The following TMEM175 variants were observed in gnomAD, a reference collection of about 807,000 sequenced individuals.
TMEM175 encodes transmembrane protein 175, also known as endosomal/lysosomal proton channel TMEM175.
In TMEM175, 36 loss-of-function variants were observed where a neutral mutation model predicts 36.5. That is an observed-to-expected ratio of 0.99 (90% CI 0.76 to 1.30). TMEM175 has a LOEUF of 1.30. Ranked by LOEUF, TMEM175 falls within the 50% of genes most tolerant of loss-of-function variation. TMEM175 has a pLI of 0.00. For missense variants in TMEM175, 705 were observed against 692.8 expected (o/e 1.02, Z -0.20); for synonymous variants, 339 against 313.4 (o/e 1.08, Z -0.86).
rs755992237 is a variant in TMEM175, at chr4:958,306, G to A, written c.1325G>A (p.Arg442Lys). ...TTCGCCTCCACCTGCCTGCTGAGCA[G>A]GTTCAGTGTGGGCATCTTCCACCTC... The part of the protein sequence containing the change: ...LAFASTCLLS[R>K]FSVGIFHLMQ... The change falls in exon 11 of 11, where the codon AGG (arginine) becomes AAG (lysine). Residue 442 changes from arginine to lysine, a missense_variant. Arg to Lys is a conservative substitution (Grantham distance 26, BLOSUM62 2). Coordinates refer to ENST00000264771, the MANE Select transcript of TMEM175 (RefSeq NM_032326.4). 6.2e-7 allele frequency: 1 copy of A among 1,605,896 alleles called. No individual in the cohort carries two copies. The highest frequency in any genetic ancestry group is 1.7e-5 in the Admixed American group (1 of 60,026).
rs2153003055 is a variant in TMEM175, at chr4:952,352, T to G, written c.379-15T>G. On this transcript the variant is annotated splice_polypyrimidine_tract_variant and intron_variant, in intron 6 of 10. Transcript: ENST00000264771. ...TAGGATTTGGGGGGGTTTGGTTTTG[T>G]TTTTGTTTTAACAGTTTTCGTTAAT... 6.2e-7 allele frequency: 1 copy of G among 1,610,168 alleles called. No homozygotes were observed.
intron 8 of TMEM175, among the ~76,000 whole-genome samples, chr4:953,628 C>T (rs565587847): frequency 3.3e-5 from 5 of 152,350 alleles, no homozygotes; most frequent in South Asian, 2.1e-4. Context: ...AGAAGCTTCA[C>T]GATGACGATG....
chr4:941,850 G>A (rs1303140933), intron 1 of TMEM175, among the ~76,000 whole-genome samples: 3 of 151,978 alleles, frequency 2.0e-5, no homozygotes, highest in Non-Finnish European at 4.4e-5. Context: ...CAGGAGAATT[G>A]CTAGAGCCCA....
chr4:945,728 G>T (rs1728061590), intron 1 of TMEM175, among the ~76,000 whole-genome samples: 1 of 152,068 alleles, frequency 6.6e-6, no homozygotes, highest in African/African-American at 2.4e-5. Context: ...CACCCCCTTT[G>T]GAGTAAAACC....
intron 4 of TMEM175, 24 bp from the exon 5 acceptor site, chr4:951,183 C>G: frequency 6.2e-7 from 1 of 1,612,348 alleles, no homozygotes; most frequent in Non-Finnish European, 8.5e-7. Flanking sequence ...GTTTTATTGT[C>G]TATCTTTTTC....
intron 8 of TMEM175, among the ~76,000 whole-genome samples, chr4:954,189 A>G (rs1729325551): frequency 6.6e-6 from 1 of 151,672 alleles, no homozygotes. Context: ...GGGTTTCACC[A>G]TGTTGGCCAG....
At chr4:951,179 T>C in intron 4 of TMEM175, 28 bp from the exon 5 acceptor site, 3 of 1,611,472 alleles carry the variant, frequency 1.9e-6, no homozygotes, top group Non-Finnish European at 2.5e-6. Flanking sequence ...CCGCGTTTTA[T>C]TGTCTATCTT....
Position 958,197 on chromosome 4 carries a change from C to T in TMEM175, c.1216C>T (p.Gln406Ter). Residue 406 changes from glutamine (Q) to a stop codon, truncating the protein, a stop_gained, in exon 11 of 11, where the codon CAG becomes TAG. Coordinates refer to ENST00000264771, the MANE Select transcript of TMEM175 (RefSeq NM_032326.4). LOFTEE classifies it low-confidence loss of function (END_TRUNC). The stretch of plus-strand genomic sequence containing the variant: ...GCTGCTGCACCAGGCGGAGACGCTG[C>T]AGCCCTCGGTGTGGTTTGGCGGCCG... ...TALLHQAETL[Q>*]PSVWFGGREH... is the part of the protein sequence containing the mutation. 1 of 1,602,688 alleles carries T rather than the reference C, an allele frequency of 6.2e-7. No homozygotes were observed.
Position 958,208 on chromosome 4 carries a change from G to A in TMEM175, c.1227G>A (p.Val409=). 6.2e-7 allele frequency: 1 copy of A among 1,601,978 alleles called. No homozygotes were observed. Among genetic ancestry groups the A allele is most frequent in the South Asian group, 1.1e-5 (1 of 90,976 alleles). The change falls in exon 11 of 11, where the codon GTG becomes GTA. Residue 409 remains valine, a synonymous_variant. Transcript: ENST00000264771. ...AGGCGGAGACGCTGCAGCCCTCGGT[G>A]TGGTTTGGCGGCCGGGAGCATGTGC... ...LHQAETLQPS[V]WFGGREHVLM... is the part of the protein sequence containing the mutation.
intron 3 of TMEM175, chr4:948,533 T>TA: frequency 7.3e-7 from 1 of 1,368,632 alleles, no homozygotes. Flanking sequence ...GCAGGCCCCT[T>TA]ACGTAGCTGC....
intron 10 of TMEM175, chr4:956,265 A>G: frequency 8.0e-7 from 1 of 1,248,294 alleles, no homozygotes; most frequent in South Asian, 1.4e-5. Flanking sequence ...CCTAGTCCCT[A>G]GTCCCTCCCA....
At position 958,571 on chromosome 4, in the gene TMEM175, C is replaced by T. The variant is rs1711576117; in HGVS notation, c.*75C>T. 8.5e-6 allele frequency: 11 copies of T among 1,287,336 alleles called. No individual in the cohort carries two copies. In the East Asian group the frequency reaches 2.8e-4, roughly 33 times the overall value. The allele number at this position is 1,287,336 out of a possible 1,614,324, so 79.7% of individuals were successfully genotyped here. A position where few individuals can be genotyped will look rare whatever the true frequency, so the allele number is the denominator to read the frequency against. ...GGACAGGATGCTGGGCAGGGGAAGC[C>T]AAGTCACGGGCAGGCCGCAGTGGTT... On this transcript the variant is annotated 3_prime_UTR_variant, in exon 11 of 11. Coordinates refer to ENST00000264771, the MANE Select transcript of TMEM175 (RefSeq NM_032326.4).
In TMEM175 at chr4:950,492, G is replaced by A. The variant is rs556727908; in HGVS notation, c.264G>A (p.Val88=). Residue 88 remains valine (V), a synonymous_variant, in exon 4 of 11, where the codon GTG becomes GTA. Transcript: ENST00000264771. ...IAVYLMTFLI[V]TVAWAAHTRL... ...TCTACCTGATGACCTTTCTCATCGT[G>A]ACAGTGGCCTGGGCAGCACACACAA... 2.3e-5 allele frequency: 37 copies of A among 1,614,068 alleles called. No individual in the cohort carries two copies. In the South Asian group the frequency reaches 3.8e-4, roughly 17 times the overall value.
At chr4:936,811 G>A (rs1414359784) in intron 1 of TMEM175, among the ~76,000 whole-genome samples, 1 of 152,148 alleles carries the variant, frequency 6.6e-6, no homozygotes, top group Non-Finnish European at 1.5e-5. Context: ...ACAAAAATTA[G>A]CTGCGCATGG....
At chr4:954,364 C>A (rs1729351709) in intron 8 of TMEM175, among the ~76,000 whole-genome samples, 2 of 152,146 alleles carry the variant, frequency 1.3e-5, no homozygotes, top group South Asian at 4.1e-4. Flanking sequence ...AGGAGGAGCC[C>A]CTGGGGATAA....
intron 3 of TMEM175, chr4:948,596 C>G: frequency 7.7e-7 from 1 of 1,304,182 alleles, no homozygotes; most frequent in Non-Finnish European, 1.0e-6. Flanking sequence ...CCCACCCCGG[C>G]TGCTCCTGCA....
In TMEM175 at chr4:958,266, G is replaced by A; in HGVS notation, c.1285G>A (p.Ala429Thr). 6.2e-7 allele frequency: 1 copy of A among 1,606,222 alleles called. No individual in the cohort carries two copies. Among genetic ancestry groups the A allele is most frequent in the Non-Finnish European group, 8.5e-7 (1 of 1,179,330 alleles). ...MFAKLALYPC[A>T]SLLAFASTCL... ...CGCCAAGCTGGCGCTGTACCCCTGT[G>A]CCAGCCTGCTGGCCTTCGCCTCCAC... Residue 429 changes from alanine to threonine, a missense_variant, in exon 11 of 11, where the codon GCC (alanine) becomes ACC (threonine). Physicochemically the swap from Ala to Thr is moderately conservative, Grantham distance 58 (BLOSUM62 0). Transcript: ENST00000264771.
At chr4:936,871 C>T (rs1278567599) in intron 1 of TMEM175, among the ~76,000 whole-genome samples, 1 of 151,972 alleles carries the variant, frequency 6.6e-6, no homozygotes, top group Admixed American at 6.5e-5. Flanking sequence ...GCAGGAGAAT[C>T]GCTTGAACCA....
chr4:952,474 CTGTGTGTGTGTGTGTGTGTGTG>C (rs3066989), intron 7 of TMEM175, 24 bp downstream of exon 7: 36 of 1,007,976 alleles, frequency 3.6e-5, no homozygotes, highest in East Asian at 5.3e-5. Flanking sequence ...GGGGCCTGCA[CTGTGTGTGTGTGTGTGTGTGTG>C]TGTGTGTGTG....
Sources: allele counts gnomAD v4.1 joint callset (sites outside exome capture counted in the v4.1 genomes callset), GRCh38; gene constraint gnomAD v4.1.1; transcripts MANE v1.5; gene names NCBI Gene and HGNC (gene_info 2026-07-23, HGNC 2026-07-21).